Variants in PDCD10 observed in about 807,000 individuals in gnomAD.
PDCD10 encodes programmed cell death protein 10.
A neutral mutation model predicts 29.2 loss-of-function variants in PDCD10; 4 were observed. That is an observed-to-expected ratio of 0.14 (90% CI 0.07 to 0.31). The LOEUF is 0.31. Ranked by LOEUF, PDCD10 falls within the 10% of genes least tolerant of loss-of-function variation. PDCD10 has a pLI of 1.00. For missense variants in PDCD10, 183 were observed against 257.9 expected, an observed-to-expected ratio of 0.71 and a Z score of 1.99; for synonymous variants, 70 against 82.2, an observed-to-expected ratio of 0.85 and a Z score of 0.80.
At chr3:167,717,382 A>C (rs921946932) in intron 3 of PDCD10, among the ~76,000 whole-genome samples, 1 of 152,036 alleles carries the variant, frequency 6.6e-6, no homozygotes, top group Non-Finnish European at 1.5e-5. Context: ...TGTAGACAAG[A>C]TTTAGTGAAT....
chr3:167,708,263 A>G (rs1722187299), intron 3 of PDCD10, among the ~76,000 whole-genome samples: 1 of 151,792 alleles, frequency 6.6e-6, no homozygotes, highest in African/African-American at 2.4e-5. Context: ...TCCTAAAACC[A>G]TAATTAAAAA....
At chr3:167,695,828 GC>G in intron 5 of PDCD10, 106 bp from the exon 6 acceptor site, 1 of 1,101,362 alleles carries the variant, frequency 9.1e-7, no homozygotes, top group Non-Finnish European at 1.4e-6. Flanking sequence ...GAGGTGAAAG[GC>G]CAGATAATTA....
chr3:167,706,989 T>C (rs1722036555), intron 3 of PDCD10, among the ~76,000 whole-genome samples: 1 of 152,242 alleles, frequency 6.6e-6, no homozygotes, highest in Admixed American at 6.5e-5. Context: ...GTACTCACTC[T>C]TCCAGACTGG....
chr3:167,706,447 C>T (rs1243981618), intron 3 of PDCD10, among the ~76,000 whole-genome samples: 1 of 152,224 alleles, frequency 6.6e-6, no homozygotes, highest in Non-Finnish European at 1.5e-5. Context: ...CTACCACACA[C>T]CTAGGCTGTA....
chr3:167,713,125 AACAGCTGTAG>A (rs1251242191), intron 3 of PDCD10, among the ~76,000 whole-genome samples: 1 of 152,042 alleles, frequency 6.6e-6, no homozygotes, highest in Non-Finnish European at 1.5e-5. Flanking sequence ...TATTCCATAG[AACAGCTGTAG>A]AATACACATT....
At chr3:167,719,325 T>C (rs549080616) in intron 3 of PDCD10, among the ~76,000 whole-genome samples, 28 of 152,108 alleles carry the variant, frequency 1.8e-4, no homozygotes, top group South Asian at 4.1e-4. Flanking sequence ...TTGATTTGAT[T>C]TGTTATAGGT....
At position 167,692,368 on chromosome 3, in the gene PDCD10, C is replaced by T. The variant is rs996441958; in HGVS notation, c.395+3228G>A. On this transcript the variant is annotated intron_variant, in intron 6 of 8. Coordinates refer to ENST00000392750, the MANE Select transcript of PDCD10 (RefSeq NM_007217.4). ...CATATATGCATACATTTTGTGCATA[C>T]AACAAAGTTTTGATTGTGTTTTGAC... 3.3e-5 allele frequency among the ~76,000 whole-genome samples: 5 copies of T among 152,248 alleles called. No homozygotes were observed. The East Asian group carries it at 5.8e-4, about 18-fold the overall frequency.
At chr3:167,718,968 G>A (rs1442446362) in intron 3 of PDCD10, among the ~76,000 whole-genome samples, 1 of 152,000 alleles carries the variant, frequency 6.6e-6, no homozygotes, top group Non-Finnish European at 1.5e-5. Flanking sequence ...TTGAGAGATA[G>A]TGTTTGAAAA....
At chr3:167,725,751 C>G in intron 2 of PDCD10, among the ~76,000 whole-genome samples, 1 of 102,860 alleles carries the variant, frequency 9.7e-6, no homozygotes, top group Non-Finnish European at 1.9e-5. Context: ...TAGCACTTTA[C>G]CATTGTATCG....
intron 4 of PDCD10, among the ~76,000 whole-genome samples, chr3:167,703,895 T>C (rs1232918399): frequency 6.6e-6 from 1 of 152,184 alleles, no homozygotes; most frequent in East Asian, 1.9e-4. Flanking sequence ...CATTATAAAA[T>C]ATTTATTACT....
At chr3:167,732,013 G>A (rs1724869862) in intron 2 of PDCD10, among the ~76,000 whole-genome samples, 1 of 152,208 alleles carries the variant, frequency 6.6e-6, no homozygotes, top group African/African-American at 2.4e-5. Flanking sequence ...AATGAGAAAG[G>A]CTGGAGATAA....
At chr3:167,701,950 T>A (rs1721489197) in intron 4 of PDCD10, among the ~76,000 whole-genome samples, 1 of 151,852 alleles carries the variant, frequency 6.6e-6, no homozygotes, top group African/African-American at 2.4e-5. Flanking sequence ...TCAGAGAAAT[T>A]TAAGAGCTAA....
intron 6 of PDCD10, among the ~76,000 whole-genome samples, chr3:167,690,327 C>T (rs560649664): frequency 1.3e-5 from 2 of 152,312 alleles, no homozygotes; most frequent in Admixed American, 1.3e-4. Flanking sequence ...TGCAAATGCA[C>T]TAATGAAAGG....
At position 167,687,320 on chromosome 3, in the gene PDCD10, C is replaced by T. The variant is rs775208529; in HGVS notation, c.475-4G>A. ...CTTTCTTTTGGTGTTCAAGTGCCTA[C>T]AGTCACAAAATATAATAAGAAATAA... On this transcript the variant is annotated splice_polypyrimidine_tract_variant and splice_region_variant and intron_variant, in intron 7 of 8. Transcript: ENST00000392750. 3.3e-6 allele frequency: 5 copies of T among 1,512,142 alleles called. No individual in the cohort carries two copies. The highest frequency in any genetic ancestry group is 4.5e-5 in the East Asian group (2 of 44,326). 93.7% of individuals were successfully genotyped at this position (1,512,142 alleles called of 1,614,324 possible). A position where few individuals can be genotyped will look rare whatever the true frequency, so the allele number is the denominator to read the frequency against.
chr3:167,720,277 G>A lies in PDCD10; in HGVS notation c.-116-4C>T. 1 of 705,658 alleles carries A rather than the reference G, an allele frequency of 1.4e-6. No homozygotes were observed. The highest frequency in any genetic ancestry group is 2.6e-6 in the Non-Finnish European group (1 of 390,404). The allele number at this position is 705,658 out of a possible 1,614,324, so 43.7% of individuals were successfully genotyped here. A position where few individuals can be genotyped will look rare whatever the true frequency, so the allele number is the denominator to read the frequency against. ...TGGACACAAAAAACACACTGATCTG[G>A]TGAAAGAGGAAGAAAGAACAGAGAC... On this transcript the variant is annotated splice_region_variant and splice_polypyrimidine_tract_variant and intron_variant, in intron 2 of 8. Transcript: ENST00000392750.
chr3:167,693,873 T>C (rs1464137609), intron 6 of PDCD10, among the ~76,000 whole-genome samples: 1 of 152,154 alleles, frequency 6.6e-6, no homozygotes, highest in African/African-American at 2.4e-5. Context: ...GAAGGACTGC[T>C]TGAGCCCAGG....
chr3:167,720,045 A>G lies in PDCD10; in HGVS notation c.96+17T>C, dbSNP rs1208666143. The G allele has an allele frequency of 1.3e-5, 18 of 1,438,438 alleles. 1 individual carries two copies. The highest frequency in any genetic ancestry group is 1.8e-5 in the Non-Finnish European group (18 of 1,020,170). 89.1% of individuals were successfully genotyped at this position (1,438,438 alleles called of 1,614,324 possible). On this transcript the variant is annotated intron_variant, in intron 3 of 8. Coordinates refer to ENST00000392750, the MANE Select transcript of PDCD10 (RefSeq NM_007217.4). ...AGAATTGCAGAGTTCATGCAAGAAC[A>G]TGTTTACCCAACTCACCTCATTAAA...
At chr3:167,716,419 G>A (rs1723020973) in intron 3 of PDCD10, among the ~76,000 whole-genome samples, 1 of 151,760 alleles carries the variant, frequency 6.6e-6, no homozygotes, top group Non-Finnish European at 1.5e-5. Context: ...ATAACTGGAT[G>A]GTTTGTTATA....
intron 2 of PDCD10, among the ~76,000 whole-genome samples, chr3:167,724,375 T>C (rs1181827642): frequency 6.6e-6 from 1 of 152,232 alleles, no homozygotes; most frequent in Non-Finnish European, 1.5e-5. Context: ...ATTCCTATAA[T>C]TTCTCTCTCT....
Sources: allele counts gnomAD v4.1 joint callset (sites outside exome capture counted in the v4.1 genomes callset), GRCh38; gene constraint gnomAD v4.1.1; transcripts MANE v1.5; gene names NCBI Gene and HGNC (gene_info 2026-07-23, HGNC 2026-07-21).